Variants in MARVELD2 observed in about 807,000 individuals in gnomAD.
MARVELD2 encodes MARVEL domain-containing protein 2.
In MARVELD2, 49 loss-of-function variants were observed where a neutral mutation model predicts 57.6. The ratio of observed to expected loss-of-function variants is 0.85; its 90% CI spans 0.68 to 1.08. MARVELD2 has a LOEUF of 1.08. MARVELD2 is among the 50% of genes least tolerant of loss of function. The pLI is 0.00. For missense variants in MARVELD2, 606 were observed against 701.1 expected (o/e 0.86, Z 1.53); for synonymous variants, 238 against 258.8 (o/e 0.92, Z 0.77).
intron 5 of MARVELD2, among the ~76,000 whole-genome samples, chr5:69,435,022 C>CTT (rs754658859): frequency 1.2e-4 from 14 of 121,696 alleles, no homozygotes; most frequent in Admixed American, 1.7e-4. Context: ...CAGATGTACT[C>CTT]TTTTTTTTTT....
chr5:69,430,062 C>T (rs1471411927), intron 3 of MARVELD2, among the ~76,000 whole-genome samples: 1 of 151,600 alleles, frequency 6.6e-6, no homozygotes, highest in East Asian at 2.0e-4. Flanking sequence ...CATGCCACCA[C>T]ACCCAGTTAA....
intron 3 of MARVELD2, among the ~76,000 whole-genome samples, chr5:69,431,167 T>C (rs1766951946): frequency 1.3e-5 from 2 of 150,664 alleles, no homozygotes; most frequent in Non-Finnish European, 3.0e-5. Context: ...CAGGCTGGAG[T>C]GCAGTGGCGT....
intron 3 of MARVELD2, 104 bp from the exon 4 acceptor site, chr5:69,432,423 G>T: frequency 7.7e-7 from 1 of 1,304,104 alleles, no homozygotes; most frequent in South Asian, 1.3e-5. Flanking sequence ...TTACAGGTTT[G>T]AGCCACCCCA....
At chr5:69,428,005 G>A (rs575664350) in intron 3 of MARVELD2, among the ~76,000 whole-genome samples, 1 of 152,014 alleles carries the variant, frequency 6.6e-6, no homozygotes, top group Non-Finnish European at 1.5e-5. Context: ...CCAGCTACTC[G>A]GGAGGCTGAG....
At chr5:69,434,231 A>T (rs574701915) in intron 5 of MARVELD2, among the ~76,000 whole-genome samples, 18 of 152,240 alleles carry the variant, frequency 1.2e-4, no homozygotes, top group South Asian at 4.1e-4. Flanking sequence ...TAAGAGGCCA[A>T]GGTGGGCAGA....
chr5:69,420,455 T>C lies in MARVELD2; in HGVS notation c.1070T>C (p.Ile357Thr), dbSNP rs1766591515. ...FLFVTMIVYL[I>T]SALVCLKLWR... ...TTTGTCACCATGATAGTTTATCTCA[T>C]TAGTGCTTTGGTTTGCCTAAAGTTA... The change falls in exon 2 of 7, where the codon ATT becomes ACT. Residue 357 changes from isoleucine to threonine, a missense_variant. Physicochemically the swap from Ile to Thr is moderately conservative, Grantham distance 89. Coordinates refer to ENST00000325631, the MANE Select transcript of MARVELD2 (RefSeq NM_001038603.3). The C allele has an allele frequency of 1.9e-6, 3 of 1,613,752 alleles. No homozygotes were observed. The East Asian group carries it at 6.7e-5, about 36-fold the overall frequency.
At chr5:69,424,442 G>A (rs941837669) in intron 2 of MARVELD2, among the ~76,000 whole-genome samples, 159 bp from the exon 3 acceptor site, 1 of 152,006 alleles carries the variant, frequency 6.6e-6, no homozygotes, top group Non-Finnish European at 1.5e-5. Flanking sequence ...TTCTCCACTG[G>A]CCCTTCAAAA....
rs1201582325 is a variant in MARVELD2, at chr5:69,433,184, GAC to G, written c.1503+93_1503+94del. On this transcript the variant is annotated intron_variant, in intron 5 of 6. Transcript: ENST00000325631. ...TTTTTTTTTTTTTTTTTTTCTGTGA[GAC>G]AGAGTCTTGTTCTGTTGCCAGGCTG... 2.8e-5 allele frequency: 34 copies of G among 1,229,382 alleles called. No individual in the cohort carries two copies. In the South Asian group the frequency reaches 3.2e-4, roughly 12 times the overall value. The allele number at this position is 1,229,382 out of a possible 1,614,324, so 76.2% of individuals were successfully genotyped here. A position where few individuals can be genotyped will look rare whatever the true frequency, so the allele number is the denominator to read the frequency against.
intron 3 of MARVELD2, among the ~76,000 whole-genome samples, chr5:69,426,320 C>CATTATTATTATT (rs61577972): frequency 0.47 from 65,316 of 139,880 alleles, 16,703 homozygotes; most frequent in Non-Finnish European, 0.57. Flanking sequence ...AGATACTGGA[C>CATTATTATTATT]ATTATTATTA....
chr5:69,441,610 G>T lies in MARVELD2; in HGVS notation c.1633G>T (p.Glu545Ter). 6.3e-7 allele frequency: 1 copy of T among 1,595,246 alleles called. No individual in the cohort carries two copies. Among genetic ancestry groups the T allele is most frequent in the Non-Finnish European group, 8.6e-7 (1 of 1,163,614 alleles). Residue 545 changes from glutamate (E) to a stop codon, truncating the protein, a stop_gained, in exon 7 of 7, where the codon GAA becomes TAA. Coordinates refer to ENST00000325631, the MANE Select transcript of MARVELD2 (RefSeq NM_001038603.3). LOFTEE classifies it high-confidence loss of function. ...TTCTCACATAAAGCAAAGAATTCAAGAATATGATAAAGTAATGAATTGGGA... is the reference window on the plus strand; with the variant it reads ...TTCTCACATAAAGCAAAGAATTCAATAATATGATAAAGTAATGAATTGGGA... ...KLSHIKQRIQ[E>*]YDKVMNWDVQ...
chr5:69,426,933 C>T (rs918530649), intron 3 of MARVELD2, among the ~76,000 whole-genome samples: 1 of 151,814 alleles, frequency 6.6e-6, no homozygotes, highest in Non-Finnish European at 1.5e-5. Flanking sequence ...ACTGGGATTA[C>T]AGGTGTGAGC....
At chr5:69,416,399 C>T (rs975219787) in intron 1 of MARVELD2, among the ~76,000 whole-genome samples, 1 of 152,216 alleles carries the variant, frequency 6.6e-6, no homozygotes, top group African/African-American at 2.4e-5. Flanking sequence ...TTAGAAGACC[C>T]TGGGTTTCCA....
chr5:69,431,876 G>C lies in MARVELD2; in HGVS notation c.1183-651G>C, dbSNP rs114671486. Among the ~76,000 whole-genome samples, 399 of 114,250 alleles carry C rather than the reference G, an allele frequency of 3.5e-3. 9 individuals carry two copies. Among genetic ancestry groups the C allele is most frequent in the African/African-American group, 0.013 (382 of 28,996 alleles). 75.0% of individuals were successfully genotyped at this position (114,250 alleles called of 152,430 possible). A position where few individuals can be genotyped will look rare whatever the true frequency, so the allele number is the denominator to read the frequency against. ...TTTTGAGCCAGAGTCTCACTCTATC[G>C]CCCAGGCTGGAGTGCAGTAATGCAA... On this transcript the variant is annotated intron_variant, in intron 3 of 6. Transcript: ENST00000325631.
At chr5:69,428,179 G>A (rs1242800284) in intron 3 of MARVELD2, among the ~76,000 whole-genome samples, 1 of 112,926 alleles carries the variant, frequency 8.9e-6, no homozygotes, top group Non-Finnish European at 1.9e-5. Flanking sequence ...TCCAAAAAGA[G>A]CAGAAAAAAA....
chr5:69,423,077 G>T (rs527334627), intron 2 of MARVELD2, among the ~76,000 whole-genome samples: 29 of 152,058 alleles, frequency 1.9e-4, no homozygotes, highest in African/African-American at 7.0e-4. Flanking sequence ...TTTGTATTTA[G>T]TAGAGACAGG....
Position 69,442,262 on chromosome 5 carries a change from T to G in MARVELD2, c.*608T>G, listed in dbSNP as rs1332231311. On this transcript the variant is annotated 3_prime_UTR_variant, in exon 7 of 7. Coordinates refer to ENST00000325631, the MANE Select transcript of MARVELD2 (RefSeq NM_001038603.3). Reference sequence around the variant, plus strand: ...TTTACTCAGGCAGGTTCCTAGGATTTTTCTGGGACAAATTTCTCTTCCTAG... The same window carrying G: ...TTTACTCAGGCAGGTTCCTAGGATTGTTCTGGGACAAATTTCTCTTCCTAG... 1 of 152,204 alleles carries G rather than the reference T, an allele frequency of 6.6e-6. No individual in the cohort carries two copies. The highest frequency in any genetic ancestry group is 1.5e-5 in the Non-Finnish European group (1 of 68,044). The allele number at this position is 152,204 out of a possible 1,614,324, so 9.4% of individuals were successfully genotyped here. A position where few individuals can be genotyped will look rare whatever the true frequency, so the allele number is the denominator to read the frequency against.
At chr5:69,429,845 C>A (rs1336934491) in intron 3 of MARVELD2, among the ~76,000 whole-genome samples, 4 of 126,742 alleles carry the variant, frequency 3.2e-5, no homozygotes, top group Non-Finnish European at 5.0e-5. Flanking sequence ...GACTCTGTAT[C>A]AAAAAAAAAA....
At chr5:69,418,223 A>C (rs1766489282) in intron 1 of MARVELD2, among the ~76,000 whole-genome samples, 1 of 152,234 alleles carries the variant, frequency 6.6e-6, no homozygotes, top group Non-Finnish European at 1.5e-5. Context: ...TTCAATAATG[A>C]GTCTTGGCAG....
At chr5:69,438,186 CTT>C (rs1345434300) in intron 5 of MARVELD2, among the ~76,000 whole-genome samples, 3 of 152,128 alleles carry the variant, frequency 2.0e-5, no homozygotes, top group East Asian at 3.9e-4. Context: ...AGTCACATGA[CTT>C]TTCTGAGCCC....
Sources: gnomAD v4.1 joint callset for allele counts (sites outside exome capture counted in the v4.1 genomes callset) on GRCh38, gnomAD v4.1.1 for gene constraint, MANE v1.5 for transcripts, NCBI Gene and HGNC (gene_info 2026-07-23, HGNC 2026-07-21) for gene names.